THRAP3: variants seen among roughly 807,000 people sequenced by gnomAD.
THRAP3 encodes thyroid hormone receptor-associated protein 3.
THRAP3 carries 16 observed loss-of-function variants against 101.0 expected under a neutral mutation model. The ratio of observed to expected loss-of-function variants is 0.16; its 90% confidence interval spans 0.11 to 0.24. The LOEUF is 0.24. THRAP3 is among the 10% of genes least tolerant of loss of function. THRAP3 has a pLI of 1.00. For missense variants in THRAP3, 989 were observed against 1,202.7 expected (o/e 0.82, Z 2.63); for synonymous variants, 407 against 422.6 (o/e 0.96, Z 0.45).
chr1:36,210,746 A>ATCATATAT, the THRAP3 span, among the ~76,000 whole-genome samples: 5 of 98,862 alleles, frequency 5.1e-5, no homozygotes, highest in Admixed American at 1.4e-4. Flanking sequence ...TCATATATAT[A>ATCATATAT]AAGTGTCAGC....
At chr1:36,288,442 A>C (rs1421813071) in intron 4 of THRAP3, 5 of 985,340 alleles carry the variant, frequency 5.1e-6, no homozygotes, top group Non-Finnish European at 6.0e-6. Flanking sequence ...TCTCTTTAGA[A>C]GACTTGAGCA....
Position 36,286,953 on chromosome 1 carries a change from G to A in THRAP3, c.723G>A (p.Glu241=). 1.9e-6 allele frequency: 3 copies of A among 1,614,252 alleles called. No homozygotes were observed. Among genetic ancestry groups the A allele is most frequent in the Non-Finnish European group, 2.5e-6 (3 of 1,180,044 alleles). ...GSASRASAVS[E]LSPRERSPAL... Reference sequence around the variant, plus strand: ...CATCACGGGCCTCAGCAGTTTCTGAGCTGAGTCCTCGGGAGCGAAGCCCAG... The same window carrying A: ...CATCACGGGCCTCAGCAGTTTCTGAACTGAGTCCTCGGGAGCGAAGCCCAG... The change falls in exon 4 of 12, where the codon GAG becomes GAA. Residue 241 remains glutamate (E), a synonymous_variant. Transcript: ENST00000354618. This position sits in a 1 kb window ranked among gnomAD's most constrained non-coding sequence, Gnocchi z 5.5.
rs547182766 is a variant in THRAP3 at position 36,258,123 on chromosome 1, G to A, written c.-134-1259G>A. Among the ~76,000 whole-genome samples, 48 of 152,332 alleles carry A rather than the reference G, an allele frequency of 3.2e-4. 3 individuals carry two copies. The South Asian group carries it at 9.7e-3, about 31-fold the overall frequency. On this transcript the variant is annotated intron_variant, in intron 1 of 11. Transcript: ENST00000354618. ...CAAAGTGCTGGGATTACAGGCATGA[G>A]CCACCACGCCCGGCTTGGAATAGGT...
At chr1:36,245,960 T>A (rs1321588108) in intron 1 of THRAP3, among the ~76,000 whole-genome samples, 1 of 152,206 alleles carries the variant, frequency 6.6e-6, no homozygotes, top group African/African-American at 2.4e-5. Flanking sequence ...TTACAGTCGT[T>A]CTAAGTACAT....
At chr1:36,239,343 T>C (rs1414547733) in intron 1 of THRAP3, among the ~76,000 whole-genome samples, 1 of 144,882 alleles carries the variant, frequency 6.9e-6, no homozygotes, top group African/African-American at 2.6e-5. Flanking sequence ...TACTACAACC[T>C]CCGCCGCCCC....
At chr1:36,213,435 G>T in the THRAP3 span, among the ~76,000 whole-genome samples, 10 of 152,280 alleles carry the variant, frequency 6.6e-5, no homozygotes, top group African/African-American at 2.2e-4. Context: ...AGAAGATTCA[G>T]TAGATGTTCT....
At chr1:36,215,301 T>C in the THRAP3 span, among the ~76,000 whole-genome samples, 2 of 152,204 alleles carry the variant, frequency 1.3e-5, no homozygotes, top group African/African-American at 4.8e-5. Flanking sequence ...CAATCTGGAC[T>C]GTCAGACCCA....
At chr1:36,250,891 C>T (rs963055165) in intron 1 of THRAP3, among the ~76,000 whole-genome samples, 4 of 151,998 alleles carry the variant, frequency 2.6e-5, no homozygotes, top group Admixed American at 6.6e-5. Context: ...GGACTGTAGG[C>T]GTGTGCCACC....
chr1:36,239,322 C>T (rs1050958494), intron 1 of THRAP3, among the ~76,000 whole-genome samples: 18 of 142,956 alleles, frequency 1.3e-4, no homozygotes, highest in African/African-American at 4.2e-4. Context: ...TGCAGTGGCT[C>T]GATGTCAGCT....
Position 36,304,977 on chromosome 1 carries a change from G to C in THRAP3, c.*960G>C, listed in dbSNP as rs1646082180. 1 of 210,854 alleles carries C rather than the reference G, an allele frequency of 4.7e-6. No individual in the cohort carries two copies. The highest frequency in any genetic ancestry group is 2.3e-5 in the African/African-American group (1 of 43,944). The allele number at this position is 210,854 out of a possible 1,614,324, so 13.1% of individuals were successfully genotyped here. On this transcript the variant is annotated 3_prime_UTR_variant, in exon 12 of 12. Transcript: ENST00000354618. Reference sequence around the variant, plus strand: ...TCGATTAAGGAAGGTGGTTATGGCTGGGTGGTTCAGGGGTTTTTTTGGGTT... The same window carrying C: ...TCGATTAAGGAAGGTGGTTATGGCTCGGTGGTTCAGGGGTTTTTTTGGGTT...
At chr1:36,288,886 A>G in intron 4 of THRAP3, 174 bp from the exon 5 acceptor site, 4 of 985,378 alleles carry the variant, frequency 4.1e-6, no homozygotes, top group Non-Finnish European at 4.8e-6. Flanking sequence ...AGAACTGTGA[A>G]TGGCAGTTTT....
upstream of THRAP3, among the ~76,000 whole-genome samples, chr1:36,224,146 G>T (rs1009063664): frequency 6.6e-6 from 1 of 152,230 alleles, no homozygotes; most frequent in Non-Finnish European, 1.5e-5. Context: ...TTCCAAAATG[G>T]TGGGGGCAGT....
chr1:36,245,328 G>A (rs770478038), intron 1 of THRAP3, among the ~76,000 whole-genome samples: 3 of 151,258 alleles, frequency 2.0e-5, no homozygotes, highest in Admixed American at 6.6e-5. Flanking sequence ...CATCACACCC[G>A]GCTAATTTTT....
intron 2 of THRAP3, among the ~76,000 whole-genome samples, chr1:36,259,773 A>AG (rs899017341): frequency 2.7e-5 from 4 of 150,786 alleles, no homozygotes; most frequent in African/African-American, 4.9e-5. Context: ...CAAAAAAAAA[A>AG]AAAAGAAAAG....
At chr1:36,285,192 C>T (rs1645779820) in intron 3 of THRAP3, among the ~76,000 whole-genome samples, 1 of 152,158 alleles carries the variant, frequency 6.6e-6, no homozygotes, top group East Asian at 1.9e-4. Flanking sequence ...CATCTGTTCC[C>T]AGTCAGATAT....
chr1:36,273,529 G>T (rs745985158), intron 2 of THRAP3, among the ~76,000 whole-genome samples: 1 of 152,134 alleles, frequency 6.6e-6, no homozygotes, highest in African/African-American at 2.4e-5. Flanking sequence ...CCAAGACAAG[G>T]CTGTCCACTC....
Position 36,303,871 on chromosome 1 carries a change from C to G in THRAP3, c.2722C>G (p.Arg908Gly). The G allele has an allele frequency of 6.2e-7, 1 of 1,613,866 alleles. No individual in the cohort carries two copies. The highest frequency in any genetic ancestry group is 8.5e-7 in the Non-Finnish European group (1 of 1,179,940). Residue 908 changes from arginine (R) to glycine (G), a missense_variant, in exon 12 of 12, where the codon CGG becomes GGG. Physicochemically the swap from Arg to Gly is moderately radical, Grantham distance 125. Coordinates refer to ENST00000354618, the MANE Select transcript of THRAP3 (RefSeq NM_005119.4). ...GGGCCGAGGAGCCTTTCCTCGGGGT[C>G]GGGGCCGGTTCATGTTCCGGAAATC... ...GRGRGAFPRG[R>G]GRFMFRKSST...
upstream of THRAP3, among the ~76,000 whole-genome samples, chr1:36,221,959 G>A (rs35207727): frequency 8.4e-3 from 1,278 of 152,002 alleles, 13 homozygotes; most frequent in African/African-American, 0.029. Flanking sequence ...ACAGGTGCCC[G>A]CCAGCATGCC....
intron 2 of THRAP3, among the ~76,000 whole-genome samples, chr1:36,273,706 G>A (rs1318905363): frequency 6.6e-6 from 1 of 152,098 alleles, no homozygotes; most frequent in Non-Finnish European, 1.5e-5. Context: ...ACCAATTAGA[G>A]CTAATAAATG....
Sources: allele counts gnomAD v4.1 joint callset (sites outside exome capture counted in the v4.1 genomes callset), GRCh38; gene constraint gnomAD v4.1.1; non-coding constraint Gnocchi (gnomAD v3.1); transcripts MANE v1.5; gene names NCBI Gene and HGNC (gene_info 2026-07-23, HGNC 2026-07-21).